The following CNTN1 variants were observed in gnomAD, a reference collection of about 807,000 sequenced individuals.
CNTN1 encodes the protein contactin-1.
In CNTN1, 38 loss-of-function variants were observed where a neutral mutation model predicts 126.4. That is an observed-to-expected ratio of 0.30 (90% CI 0.23 to 0.39). CNTN1 has a LOEUF of 0.39. CNTN1 is among the 10% of genes least tolerant of loss of function. The probability of loss-of-function intolerance (pLI) is 1.00; values close to 1 mark genes in which losing one functional copy is unlikely to be tolerated. For missense variants in CNTN1, 1,009 were observed against 1,248.4 expected, an observed-to-expected ratio of 0.81 and a Z score of 2.89; for synonymous variants, 413 against 422.6, an observed-to-expected ratio of 0.98 and a Z score of 0.28.
chr12:40,830,930 C>A (rs11178653), intron 1 of CNTN1, among the ~76,000 whole-genome samples: 1 of 23,242 alleles, frequency 4.3e-5, no homozygotes, highest in Non-Finnish European at 8.9e-5. Context: ...GTTACATATA[C>A]ATATACATAT....
chr12:40,806,467 TTG>T (rs994726253), intron 1 of CNTN1, among the ~76,000 whole-genome samples: 6 of 152,164 alleles, frequency 3.9e-5, no homozygotes, highest in Admixed American at 2.0e-4. Flanking sequence ...AGTGTTTCTT[TTG>T]TAAGAAAGGA....
intron 1 of CNTN1, among the ~76,000 whole-genome samples, chr12:40,703,706 T>C (rs1941659552): frequency 6.6e-6 from 1 of 152,182 alleles, no homozygotes; most frequent in Non-Finnish European, 1.5e-5. Flanking sequence ...CTATGAATAA[T>C]CTACAAAGTA....
At chr12:40,750,487 G>A (rs1021934354) in intron 1 of CNTN1, among the ~76,000 whole-genome samples, 22 of 151,926 alleles carry the variant, frequency 1.4e-4, no homozygotes, top group African/African-American at 4.1e-4. Flanking sequence ...TTTTGATTGC[G>A]TTTTTTAAAA....
At chr12:41,011,320 C>T (rs7954108) in intron 17 of CNTN1, among the ~76,000 whole-genome samples, 15,389 of 152,196 alleles carry the variant, frequency 0.1, 887 homozygotes, top group Non-Finnish European at 0.13. Context: ...AGGCCATGCC[C>T]TTGTGCAAAA....
chr12:40,928,013 A>G (rs1008882115), intron 6 of CNTN1, among the ~76,000 whole-genome samples: 1 of 152,050 alleles, frequency 6.6e-6, no homozygotes, highest in Non-Finnish European at 1.5e-5. Flanking sequence ...TGAGAATTAA[A>G]ATTCAGGTCT....
At chr12:40,830,643 T>C (rs1941777958) in intron 1 of CNTN1, among the ~76,000 whole-genome samples, 1 of 150,092 alleles carries the variant, frequency 6.7e-6, no homozygotes, top group Non-Finnish European at 1.5e-5. Flanking sequence ...TGAGAAATAA[T>C]TGACAATAAT....
chr12:40,938,382 G>T (rs965906606), intron 11 of CNTN1, among the ~76,000 whole-genome samples: 14 of 152,190 alleles, frequency 9.2e-5, no homozygotes, highest in African/African-American at 3.4e-4. Context: ...GATCCTGAAA[G>T]CAGGACTCCA....
At chr12:40,762,562 CA>C (rs965521296) in intron 1 of CNTN1, among the ~76,000 whole-genome samples, 4 of 151,400 alleles carry the variant, frequency 2.6e-5, no homozygotes, top group Admixed American at 1.3e-4. Context: ...AAGTTCAAAA[CA>C]AAAAAAAGTA....
chr12:40,737,285 A>ATATGTG (rs1555148028), intron 1 of CNTN1, among the ~76,000 whole-genome samples: 4 of 141,154 alleles, frequency 2.8e-5, no homozygotes, highest in Non-Finnish European at 4.6e-5. Context: ...TAGGATATAT[A>ATATGTG]TGTGTGTGTG....
intron 23 of CNTN1, among the ~76,000 whole-genome samples, chr12:41,045,476 G>A (rs1417800201): frequency 6.6e-6 from 1 of 152,076 alleles, no homozygotes; most frequent in African/African-American, 2.4e-5. Context: ...GTGACTTTGT[G>A]ATTTTTAAAA....
intron 1 of CNTN1, among the ~76,000 whole-genome samples, chr12:40,854,556 A>AG (rs1433483571): frequency 6.6e-6 from 1 of 152,186 alleles, no homozygotes; most frequent in Non-Finnish European, 1.5e-5. Flanking sequence ...AAATAAGAAA[A>AG]GAAAAAAAAG....
intron 1 of CNTN1, among the ~76,000 whole-genome samples, chr12:40,772,562 T>A (rs1939384636): frequency 6.6e-6 from 1 of 152,006 alleles, no homozygotes. Flanking sequence ...TGCCATGTTT[T>A]CTCTTACCCA....
rs534534531 is a variant in CNTN1, at chr12:40,932,645, G to A, written c.704-816G>A. Among the ~76,000 whole-genome samples the A allele has an allele frequency of 3.3e-5, 5 of 151,906 alleles. No homozygotes were observed. The East Asian group carries it at 9.7e-4, about 29-fold the overall frequency. On this transcript the variant is annotated intron_variant, in intron 7 of 23. Transcript: ENST00000551295. The stretch of plus-strand genomic sequence containing the variant: ...ACTCCTGGAGCTTTGTCGTAATATG[G>A]TGTTTGCTCAAGCTAAACTGGTCCA...
At chr12:40,906,000 G>T (rs998979248) in intron 1 of CNTN1, among the ~76,000 whole-genome samples, 5 of 152,236 alleles carry the variant, frequency 3.3e-5, no homozygotes, top group Admixed American at 2.0e-4. Flanking sequence ...TGTTGGCCGG[G>T]TGCAATGGCT....
intron 1 of CNTN1, among the ~76,000 whole-genome samples, chr12:40,759,605 A>G (rs1388341787): frequency 6.6e-6 from 1 of 151,686 alleles, no homozygotes; most frequent in Admixed American, 6.6e-5. Flanking sequence ...AGCTAGGACC[A>G]CAGGCACCCA....
At chr12:40,712,221 A>G (rs935068861) in intron 1 of CNTN1, among the ~76,000 whole-genome samples, 1 of 151,950 alleles carries the variant, frequency 6.6e-6, no homozygotes, top group Non-Finnish European at 1.5e-5. Flanking sequence ...ACACTGTTCA[A>G]TTTTTCTTCT....
At chr12:40,812,213 T>TA (rs1941091792) in intron 1 of CNTN1, among the ~76,000 whole-genome samples, 1 of 152,120 alleles carries the variant, frequency 6.6e-6, no homozygotes, top group African/African-American at 2.4e-5. Context: ...TTTCTGTTAT[T>TA]ATTGACTTCT....
chr12:40,819,620 G>A (rs191449925), intron 1 of CNTN1, among the ~76,000 whole-genome samples: 1 of 152,290 alleles, frequency 6.6e-6, no homozygotes, highest in South Asian at 2.1e-4. Flanking sequence ...GGCATTGTAG[G>A]TCCCAGTGCT....
At chr12:40,706,717 A>C (rs1941749922) in intron 1 of CNTN1, among the ~76,000 whole-genome samples, 1 of 152,228 alleles carries the variant, frequency 6.6e-6, no homozygotes, top group South Asian at 2.1e-4. Flanking sequence ...TTATTAGCAG[A>C]TGCCCACACT....
Sources: gnomAD v4.1 joint callset for allele counts (sites outside exome capture counted in the v4.1 genomes callset) on GRCh38, gnomAD v4.1.1 for gene constraint, MANE v1.5 for transcripts, NCBI Gene and HGNC (gene_info 2026-07-23, HGNC 2026-07-21) for gene names.